The following THSD7B variants were observed in gnomAD, a reference collection of about 807,000 sequenced individuals.
THSD7B encodes the protein thrombospondin type 1 domain containing 7B.
A neutral mutation model predicts 213.6 loss-of-function variants in THSD7B; 138 were observed. That is an observed-to-expected ratio of 0.65 (90% CI 0.56 to 0.74). The LOEUF (loss-of-function observed/expected upper bound fraction) is 0.74, where lower values mean the gene tolerates loss of function less well. Ranked by LOEUF, THSD7B falls within the 30% of genes least tolerant of loss-of-function variation. The pLI is 0.00. For synonymous variants in THSD7B, 742 were observed against 687.0 expected (o/e 1.08, Z -1.25); for missense variants, 1,931 against 1,991.5 (o/e 0.97, Z 0.58).
chr2:137,479,364 C>T (rs1174761053), intron 15 of THSD7B: 1 of 225,316 alleles, frequency 4.4e-6, no homozygotes, highest in Admixed American at 5.5e-5. Context: ...AGATAGCATG[C>T]TTGGGTCCTG....
At chr2:137,632,381 A>G (rs1254482683) in intron 20 of THSD7B, among the ~76,000 whole-genome samples, 1 of 152,190 alleles carries the variant, frequency 6.6e-6, no homozygotes, top group Non-Finnish European at 1.5e-5. Flanking sequence ...TAATAGGGAT[A>G]TAGCTGCCAA....
intron 1 of THSD7B, among the ~76,000 whole-genome samples, chr2:136,844,782 C>A (rs936980840): frequency 6.6e-6 from 1 of 152,164 alleles, no homozygotes; most frequent in African/African-American, 2.4e-5. Context: ...GAGGTCATGC[C>A]CAGTTCAGGG....
intron 15 of THSD7B, among the ~76,000 whole-genome samples, chr2:137,527,534 C>T (rs920634467): frequency 2.0e-5 from 3 of 152,038 alleles, no homozygotes; most frequent in African/African-American, 7.2e-5. Context: ...ATTGCTCCCT[C>T]CATTTTGAAA....
intron 15 of THSD7B, among the ~76,000 whole-genome samples, chr2:137,514,842 C>T (rs970835841): frequency 6.6e-6 from 1 of 152,034 alleles, no homozygotes; most frequent in African/African-American, 2.4e-5. Flanking sequence ...AACATAATAC[C>T]TTTGACTATA....
At chr2:137,603,179 C>T (rs1490774613) in intron 17 of THSD7B, among the ~76,000 whole-genome samples, 1 of 152,180 alleles carries the variant, frequency 6.6e-6, no homozygotes, top group Non-Finnish European at 1.5e-5. Flanking sequence ...ATATGGACAC[C>T]ACCACTTTGT....
intron 2 of THSD7B, among the ~76,000 whole-genome samples, chr2:137,021,816 G>T (rs1166466380): frequency 2.0e-5 from 3 of 152,126 alleles, no homozygotes; most frequent in African/African-American, 7.2e-5. Flanking sequence ...TTTCAAGAAT[G>T]CTATGTAAGT....
At chr2:137,368,248 C>T (rs1236981275) in intron 12 of THSD7B, among the ~76,000 whole-genome samples, 1 of 151,296 alleles carries the variant, frequency 6.6e-6, no homozygotes, top group Non-Finnish European at 1.5e-5. Context: ...TAAATTAACC[C>T]AAATCTCTAG....
intron 2 of THSD7B, among the ~76,000 whole-genome samples, chr2:136,897,659 T>C (rs1683984714): frequency 6.6e-6 from 1 of 152,328 alleles, no homozygotes; most frequent in South Asian, 2.1e-4. Context: ...TTTATTCCCT[T>C]ATTTGACCCT....
chr2:137,366,778 C>T (rs2104944139), intron 12 of THSD7B, among the ~76,000 whole-genome samples: 1 of 152,162 alleles, frequency 6.6e-6, no homozygotes, highest in Admixed American at 6.6e-5. Context: ...AAAATATAGA[C>T]ATTTTAGTAG....
intron 3 of THSD7B, among the ~76,000 whole-genome samples, chr2:137,091,627 A>T (rs1353447771): frequency 6.6e-6 from 1 of 151,934 alleles, no homozygotes; most frequent in African/African-American, 2.4e-5. Flanking sequence ...TGGCTTGTAG[A>T]TGGCTGCCCT....
At chr2:136,888,315 A>G (rs1285696911) in intron 2 of THSD7B, among the ~76,000 whole-genome samples, 1 of 152,226 alleles carries the variant, frequency 6.6e-6, no homozygotes, top group African/African-American at 2.4e-5. Flanking sequence ...GAAAAAAGAG[A>G]CTATGAAAAT....
chr2:137,038,932 A>T (rs1686827277), intron 2 of THSD7B, among the ~76,000 whole-genome samples: 1 of 150,056 alleles, frequency 6.7e-6, no homozygotes, highest in Non-Finnish European at 1.5e-5. Flanking sequence ...CAAAGTCTAG[A>T]GGTTTTTTTT....
chr2:136,989,000 A>G (rs749683782), intron 2 of THSD7B, among the ~76,000 whole-genome samples: 7 of 152,240 alleles, frequency 4.6e-5, no homozygotes, highest in Non-Finnish European at 1.0e-4. Context: ...GTGGTCAATG[A>G]TACAATGAAA....
chr2:136,769,363 T>C (rs980208817), intron 1 of THSD7B, among the ~76,000 whole-genome samples: 4 of 152,216 alleles, frequency 2.6e-5, no homozygotes, highest in Admixed American at 6.5e-5. Flanking sequence ...GGTGATTTAG[T>C]ATGATCATTT....
chr2:136,899,267 G>T (rs1333668801), intron 2 of THSD7B, among the ~76,000 whole-genome samples: 1 of 151,976 alleles, frequency 6.6e-6, no homozygotes, highest in Non-Finnish European at 1.5e-5. Flanking sequence ...CCAACCCCTG[G>T]GGGTTAAATA....
At chr2:136,847,507 TA>T (rs1398374175) in intron 1 of THSD7B, among the ~76,000 whole-genome samples, 1 of 152,198 alleles carries the variant, frequency 6.6e-6, no homozygotes, top group Non-Finnish European at 1.5e-5. Flanking sequence ...GGCTTTCTGA[TA>T]AAGTCCTTAG....
chr2:137,311,986 G>T (rs1683922285), intron 12 of THSD7B, among the ~76,000 whole-genome samples: 1 of 147,018 alleles, frequency 6.8e-6, no homozygotes, highest in Non-Finnish European at 1.5e-5. Flanking sequence ...TTGTGTCTCT[G>T]CCCGGCTTTG....
intron 1 of THSD7B, among the ~76,000 whole-genome samples, chr2:136,860,278 T>G (rs753075573): frequency 1.1e-4 from 17 of 152,128 alleles, no homozygotes; most frequent in Non-Finnish European, 2.4e-4. Flanking sequence ...GGCCTTGGTC[T>G]TCTTCTCTAT....
intron 1 of THSD7B, among the ~76,000 whole-genome samples, chr2:136,863,212 G>A (rs1416078782): frequency 1.3e-5 from 2 of 152,222 alleles, no homozygotes; most frequent in Non-Finnish European, 2.9e-5. Flanking sequence ...AGCCATTGGC[G>A]ATTAGTTGGT....
Sources: gnomAD v4.1 joint callset for allele counts (sites outside exome capture counted in the v4.1 genomes callset) on GRCh38, gnomAD v4.1.1 for gene constraint, MANE v1.5 for transcripts, NCBI Gene and HGNC (gene_info 2026-07-23, HGNC 2026-07-21) for gene names.